NRG1: variants seen among roughly 807,000 people sequenced by gnomAD.
NRG1 encodes the protein neuregulin 1, also known as pro-neuregulin-1, membrane-bound isoform.
NRG1 carries 18 observed loss-of-function variants against 63.8 expected under a neutral mutation model. The observed-to-expected ratio is 0.28, with a 90% CI of 0.19 to 0.42. The LOEUF (loss-of-function observed/expected upper bound fraction) is 0.42. Among genes scored for constraint, NRG1 ranks in the 10% least tolerant of loss-of-function variants. The pLI is 1.00. For missense variants in NRG1, 762 were observed against 814.7 expected, an observed-to-expected ratio of 0.94 and a Z score of 0.79; for synonymous variants, 302 against 301.3, an observed-to-expected ratio of 1.00 and a Z score of -0.02.
intron 1 of NRG1, among the ~76,000 whole-genome samples, chr8:32,083,405 G>A (rs1586977582): frequency 6.6e-6 from 1 of 152,180 alleles, no homozygotes; most frequent in African/African-American, 2.4e-5. Flanking sequence ...GTGTATATGG[G>A]TATGTGTGTT....
intron 1 of NRG1, among the ~76,000 whole-genome samples, chr8:31,648,202 C>T (rs1162363157): frequency 7.5e-6 from 1 of 133,232 alleles, no homozygotes; most frequent in Non-Finnish European, 1.5e-5. Context: ...GGCGCGATCT[C>T]GACTCACTGC....
At chr8:32,415,378 AAAG>A (rs1289865151) in intron 1 of NRG1, among the ~76,000 whole-genome samples, 13 of 150,606 alleles carry the variant, frequency 8.6e-5, no homozygotes, top group African/African-American at 2.7e-4. Context: ...AAAAAAAAAA[AAAG>A]AAAGAAAGAA....
chr8:32,132,005 G>T (rs569913347), intron 1 of NRG1, among the ~76,000 whole-genome samples: 2 of 152,102 alleles, frequency 1.3e-5, no homozygotes, highest in East Asian at 1.9e-4. Context: ...TTTCCTATGT[G>T]TATAAGATTC....
At chr8:32,120,537 A>G (rs946226476) in intron 1 of NRG1, among the ~76,000 whole-genome samples, 2 of 152,060 alleles carry the variant, frequency 1.3e-5, no homozygotes, top group African/African-American at 2.4e-5. Context: ...ACTTTTAGTC[A>G]TTTTTGCTGG....
At chr8:32,350,745 G>A (rs1805494632) in intron 1 of NRG1, among the ~76,000 whole-genome samples, 1 of 151,712 alleles carries the variant, frequency 6.6e-6, no homozygotes, top group Admixed American at 6.6e-5. Context: ...ACTAATATAG[G>A]AATATAATAA....
rs144153531 is a variant in NRG1, at chr8:32,108,636, G to A, written c.37+469205G>A. On this transcript the variant is annotated intron_variant, in intron 1 of 10. Transcript: ENST00000519301. The stretch of plus-strand genomic sequence containing the variant: ...AGATAATCCTGGATGATCTCGGTGG[G>A]CCCCTTGTAATTACAAGTTTCCTTA... Among the ~76,000 whole-genome samples, 769 of 116,734 alleles carry A rather than the reference G, an allele frequency of 6.6e-3. 5 individuals carry two copies. Among genetic ancestry groups the A allele is most frequent in the African/African-American group, 0.023 (731 of 31,686 alleles). 76.6% of individuals were successfully genotyped at this position (116,734 alleles called of 152,430 possible). A position where few individuals can be genotyped will look rare whatever the true frequency, so the allele number is the denominator to read the frequency against.
chr8:32,364,957 CTT>C (rs372216683), intron 1 of NRG1, among the ~76,000 whole-genome samples: 94 of 108,404 alleles, frequency 8.7e-4, no homozygotes, highest in Middle Eastern at 6.4e-3. Flanking sequence ...CCCTTTACTA[CTT>C]TTTTTTTTTT....
At chr8:32,526,333 C>T (rs1830837957) in intron 1 of NRG1, among the ~76,000 whole-genome samples, 1 of 152,206 alleles carries the variant, frequency 6.6e-6, no homozygotes, top group African/African-American at 2.4e-5. Flanking sequence ...CCACATGGCT[C>T]TCTCTCTATA....
intron 1 of NRG1, among the ~76,000 whole-genome samples, chr8:32,570,392 C>T (rs1838322324): frequency 6.6e-6 from 1 of 152,104 alleles, no homozygotes; most frequent in African/African-American, 2.4e-5. Flanking sequence ...ATAGAACAGA[C>T]ATGATTCTTA....
chr8:31,963,731 G>A (rs779614289), intron 1 of NRG1, among the ~76,000 whole-genome samples: 3 of 151,920 alleles, frequency 2.0e-5, no homozygotes, highest in Non-Finnish European at 2.9e-5. Flanking sequence ...AAACAATCAC[G>A]GTTTGTAATT....
chr8:32,405,142 C>T (rs904535066), intron 1 of NRG1, among the ~76,000 whole-genome samples: 7 of 152,132 alleles, frequency 4.6e-5, no homozygotes, highest in Non-Finnish European at 7.4e-5. Flanking sequence ...CTCTGGTCCA[C>T]CTTAAGCTAG....
At chr8:31,967,374 C>T (rs972791429) in intron 1 of NRG1, among the ~76,000 whole-genome samples, 3 of 152,024 alleles carry the variant, frequency 2.0e-5, no homozygotes, top group African/African-American at 7.2e-5. Flanking sequence ...GAAAAGGAGA[C>T]CTCTATAGTA....
chr8:32,500,297 A>T lies in NRG1; in HGVS notation c.38-95531A>T, dbSNP rs183255606. Among the ~76,000 whole-genome samples, 544 of 152,318 alleles carry T rather than the reference A, an allele frequency of 3.6e-3. 3 individuals carry two copies. The highest frequency in any genetic ancestry group is 0.013 in the Admixed American group (192 of 15,300). On this transcript the variant is annotated intron_variant, in intron 1 of 10. Transcript: ENST00000519301. The stretch of plus-strand genomic sequence containing the variant: ...GAACTAGCCATTAGACTTTATCTGT[A>T]ATACCTATAGATTGGGGTGAATTTC...
At chr8:31,852,714 G>A (rs1827380383) in intron 1 of NRG1, among the ~76,000 whole-genome samples, 1 of 152,136 alleles carries the variant, frequency 6.6e-6, no homozygotes, top group African/African-American at 2.4e-5. Flanking sequence ...TAATGCCTAG[G>A]TTTTCTTCTA....
At chr8:32,105,375 G>C (rs926397845) in intron 1 of NRG1, among the ~76,000 whole-genome samples, 4 of 152,148 alleles carry the variant, frequency 2.6e-5, no homozygotes, top group African/African-American at 9.7e-5. Context: ...AAGGTGGAAG[G>C]CACCTCTCAC....
intron 1 of NRG1, among the ~76,000 whole-genome samples, chr8:32,271,749 G>A (rs1190029456): frequency 6.6e-6 from 1 of 152,110 alleles, no homozygotes; most frequent in African/African-American, 2.4e-5. Flanking sequence ...CTGGGGAACT[G>A]GTTAGTACAA....
At chr8:32,555,319 C>T (rs909565001) in intron 1 of NRG1, among the ~76,000 whole-genome samples, 6 of 152,214 alleles carry the variant, frequency 3.9e-5, no homozygotes, top group African/African-American at 1.4e-4. Flanking sequence ...AGTTGGACAA[C>T]AGATCTTTAC....
At chr8:32,002,061 T>C (rs1407483123) in intron 1 of NRG1, among the ~76,000 whole-genome samples, 3 of 152,044 alleles carry the variant, frequency 2.0e-5, no homozygotes, top group Non-Finnish European at 4.4e-5. Context: ...TCTTACTCTG[T>C]GGGCCATGCT....
Position 32,168,723 on chromosome 8 carries a change from G to A in NRG1, c.38-427105G>A, listed in dbSNP as rs77459818. On this transcript the variant is annotated intron_variant, in intron 1 of 10. Transcript: ENST00000519301. ...TCCTTTTTGGAGGAAGAGGAAAGCC[G>A]CTGGCTGACCACGTCACTTTCATGT... Among the ~76,000 whole-genome samples, 691 of 152,276 alleles carry A rather than the reference G, an allele frequency of 4.5e-3. 6 individuals are homozygous for A. The South Asian group carries it at 0.048, about 11-fold the overall frequency.
Sources: gnomAD v4.1 joint callset for allele counts (sites outside exome capture counted in the v4.1 genomes callset) on GRCh38, gnomAD v4.1.1 for gene constraint, MANE v1.5 for transcripts, NCBI Gene and HGNC (gene_info 2026-07-23, HGNC 2026-07-21) for gene names.